ARHGAP12: variants seen among roughly 807,000 people sequenced by gnomAD.
ARHGAP12 encodes the protein Rho GTPase activating protein 12.
ARHGAP12 carries 64 observed loss-of-function variants against 108.6 expected under a neutral mutation model. The ratio of observed to expected loss-of-function variants is 0.59; its 90% CI spans 0.48 to 0.73. The LOEUF (loss-of-function observed/expected upper bound fraction) is 0.73, where lower values mean the gene tolerates loss of function less well. Among genes scored for constraint, ARHGAP12 ranks in the 30% least tolerant of loss-of-function variants. The probability of loss-of-function intolerance (pLI) is 0.00; values close to 1 mark genes in which losing one functional copy is unlikely to be tolerated. For missense variants in ARHGAP12, 940 were observed against 1,005.9 expected, an observed-to-expected ratio of 0.93 and a Z score of 0.89; for synonymous variants, 312 against 337.2, an observed-to-expected ratio of 0.93 and a Z score of 0.82.
chr10:31,834,534 G>A lies in ARHGAP12; in HGVS notation c.1387-2734C>T, dbSNP rs139738223. Among the ~76,000 whole-genome samples, 10 of 152,276 alleles carry A rather than the reference G, an allele frequency of 6.6e-5. No individual in the cohort carries two copies. In the East Asian group the frequency reaches 1.3e-3, roughly 21 times the overall value. On this transcript the variant is annotated intron_variant, in intron 9 of 19. Transcript: ENST00000344936. ...AGAAATAAATTTCTGTTGTTTATAA[G>A]CCACTCAGTTTATATTTTTGCTATA...
chr10:31,888,366 G>T (rs975280360), intron 3 of ARHGAP12, among the ~76,000 whole-genome samples: 1 of 152,164 alleles, frequency 6.6e-6, no homozygotes, highest in African/African-American at 2.4e-5. Context: ...AGCCAAGACA[G>T]ACTCTTTCTC....
At chr10:31,820,311 C>T (rs1835357297) in intron 12 of ARHGAP12, 76 bp downstream of exon 12, 3 of 1,201,670 alleles carry the variant, frequency 2.5e-6, no homozygotes, top group Admixed American at 5.1e-5. Flanking sequence ...AAGACTATTT[C>T]CCAAAATAGC....
In ARHGAP12 at chr10:31,908,625, G is replaced by A. The variant is rs2132457229; in HGVS notation, c.231C>T (p.Leu77=). 2 of 1,614,192 alleles carry A rather than the reference G, an allele frequency of 1.2e-6. No homozygotes were observed. The highest frequency in any genetic ancestry group is 1.7e-6 in the Non-Finnish European group (2 of 1,180,026). ...QYVKEVTRKA[L]MPPVKQVAGL... ...CAGCTACCTGCTTAACAGGTGGCAT[G>A]AGAGCTTTGCGCGTGACCTCCTTCA... The change falls in exon 3 of 20, where the codon CTC becomes CTT. Residue 77 remains leucine (L), a synonymous_variant. Coordinates refer to ENST00000344936, the MANE Select transcript of ARHGAP12 (RefSeq NM_018287.7).
chr10:31,822,415 CA>C (rs2132173484), intron 11 of ARHGAP12, among the ~76,000 whole-genome samples: 1 of 152,192 alleles, frequency 6.6e-6, no homozygotes, highest in Non-Finnish European at 1.5e-5. Context: ...TGCACAACAG[CA>C]AAATGACACA....
At chr10:31,893,870 C>G (rs1167413459) in intron 3 of ARHGAP12, among the ~76,000 whole-genome samples, 1 of 152,214 alleles carries the variant, frequency 6.6e-6, no homozygotes, top group Admixed American at 6.5e-5. Context: ...CAAACCGAAT[C>G]CAGCAGCACA....
At chr10:31,876,803 T>C (rs1421248509) in intron 3 of ARHGAP12, among the ~76,000 whole-genome samples, 1 of 152,248 alleles carries the variant, frequency 6.6e-6, no homozygotes, top group African/African-American at 2.4e-5. Flanking sequence ...GAACAGTTAG[T>C]GCTAGTTAAA....
At chr10:31,833,188 A>G (rs573214150) in intron 9 of ARHGAP12, among the ~76,000 whole-genome samples, 1 of 152,210 alleles carries the variant, frequency 6.6e-6, no homozygotes, top group Non-Finnish European at 1.5e-5. Flanking sequence ...CAGGGAGAAA[A>G]CAATCTTTCC....
intron 1 of ARHGAP12, among the ~76,000 whole-genome samples, chr10:31,917,856 G>C (rs776147836): frequency 6.6e-6 from 1 of 152,168 alleles, no homozygotes; most frequent in Non-Finnish European, 1.5e-5. Flanking sequence ...GAACCTGACA[G>C]ACATTTTTCA....
chr10:31,807,546 A>C lies in ARHGAP12; in HGVS notation c.*112T>G. On this transcript the variant is annotated 3_prime_UTR_variant, in exon 20 of 20. Transcript: ENST00000344936. ...TTCCCTTCTGATCCCTCAAAAAAAA[A>C]GTGCAAAATCAAAGAGTCACTGCTT... is the stretch of plus-strand genomic sequence containing the variant. 1 of 1,065,042 alleles carries C rather than the reference A, an allele frequency of 9.4e-7. No homozygotes were observed. Among genetic ancestry groups the C allele is most frequent in the Non-Finnish European group, 1.3e-6 (1 of 768,590 alleles). 66.0% of individuals were successfully genotyped at this position (1,065,042 alleles called of 1,614,324 possible). A position where few individuals can be genotyped will look rare whatever the true frequency, so the allele number is the denominator to read the frequency against.
At chr10:31,909,213 T>C (rs900259278) in intron 2 of ARHGAP12, among the ~76,000 whole-genome samples, 5 of 152,088 alleles carry the variant, frequency 3.3e-5, no homozygotes, top group African/African-American at 1.2e-4. Context: ...GAGAAGAACT[T>C]TCCTTCCTTT....
chr10:31,831,804 T>C lies in ARHGAP12; in HGVS notation c.1387-4A>G. On this transcript the variant is annotated splice_polypyrimidine_tract_variant and splice_region_variant and intron_variant, in intron 9 of 19. Transcript: ENST00000344936. ...ATAATCCATATTTCTCTTGATCCTATGGAACAGAGTAATACTGTTTATACA... is the reference window on the plus strand; with the variant it reads ...ATAATCCATATTTCTCTTGATCCTACGGAACAGAGTAATACTGTTTATACA... 1 of 1,548,910 alleles carries C rather than the reference T, an allele frequency of 6.5e-7. No individual in the cohort carries two copies. Among genetic ancestry groups the C allele is most frequent in the Non-Finnish European group, 8.9e-7 (1 of 1,126,802 alleles).
chr10:31,864,813 T>C lies in ARHGAP12; in HGVS notation c.685-3155A>G, dbSNP rs79676159. On this transcript the variant is annotated intron_variant, in intron 3 of 19. Coordinates refer to ENST00000344936, the MANE Select transcript of ARHGAP12 (RefSeq NM_018287.7). ...AGCTAGGTGATTAGGCTACAAATTA[T>C]GAATTTAAAATCTCCTTGCCTTCCA... Among the ~76,000 whole-genome samples, 164 of 152,294 alleles carry C rather than the reference T, an allele frequency of 1.1e-3. 1 individual carries two copies. The East Asian group carries it at 0.023, about 22-fold the overall frequency.
intron 7 of ARHGAP12, among the ~76,000 whole-genome samples, chr10:31,842,517 T>C (rs540577774): frequency 6.6e-6 from 1 of 152,236 alleles, no homozygotes; most frequent in South Asian, 2.1e-4. Flanking sequence ...TACACATGTA[T>C]GAAGGCTGTT....
intron 3 of ARHGAP12, among the ~76,000 whole-genome samples, chr10:31,866,380 G>A (rs761564632): frequency 1.1e-4 from 16 of 152,162 alleles, no homozygotes; most frequent in Admixed American, 6.5e-4. Flanking sequence ...AACAAGTATT[G>A]TGAGGCATTG....
chr10:31,806,760 T>C lies in ARHGAP12; in HGVS notation c.*898A>G, dbSNP rs1834836720. On this transcript the variant is annotated 3_prime_UTR_variant, in exon 20 of 20. Coordinates refer to ENST00000344936, the MANE Select transcript of ARHGAP12 (RefSeq NM_018287.7). ...GACTATTTCTGGAGGAAACCTAATA[T>C]TCACAGAAAAGATTACCAATAACAA... 1 of 152,562 alleles carries C rather than the reference T, an allele frequency of 6.6e-6. No homozygotes were observed. The highest frequency in any genetic ancestry group is 2.4e-5 in the African/African-American group (1 of 41,428). 9.5% of individuals were successfully genotyped at this position (152,562 alleles called of 1,614,324 possible).
intron 13 of ARHGAP12, among the ~76,000 whole-genome samples, chr10:31,816,038 C>G (rs898817003): frequency 3.3e-5 from 5 of 151,984 alleles, no homozygotes; most frequent in African/African-American, 1.2e-4. Flanking sequence ...GTTATCCCAG[C>G]TACTTGGGAG....
chr10:31,857,164 G>A (rs1836918746), intron 4 of ARHGAP12, among the ~76,000 whole-genome samples: 1 of 152,114 alleles, frequency 6.6e-6, no homozygotes, highest in Non-Finnish European at 1.5e-5. Context: ...GGTGAAGGGA[G>A]AGAAAGAAAT....
intron 3 of ARHGAP12, among the ~76,000 whole-genome samples, chr10:31,885,818 CAAA>C (rs766985293): frequency 9.7e-6 from 1 of 102,748 alleles, no homozygotes. Flanking sequence ...GACACCAACT[CAAA>C]AAAAAAAAAA....
rs181072687 is a variant in ARHGAP12, at chr10:31,810,701, A to G, written c.1998T>C (p.Asn666=). The G allele has an allele frequency of 5.6e-6, 9 of 1,609,142 alleles. No homozygotes were observed. The highest frequency in any genetic ancestry group is 3.4e-5 in the Admixed American group (2 of 58,986). The change falls in exon 16 of 20, where the codon AAT becomes AAC. Residue 666 remains asparagine (N), a synonymous_variant. Transcript: ENST00000344936. ...SNLANLCQRE[N]GTVPKFVKLC... Reference sequence around the variant, plus strand: ...ACTTCACAAACTTTGGTACTGTGCCATTCTCTCTCTGACACAGATTAGCGA... The same window carrying G: ...ACTTCACAAACTTTGGTACTGTGCCGTTCTCTCTCTGACACAGATTAGCGA...
Sources: gnomAD v4.1 joint callset for allele counts (sites outside exome capture counted in the v4.1 genomes callset) on GRCh38, gnomAD v4.1.1 for gene constraint, MANE v1.5 for transcripts, NCBI Gene and HGNC (gene_info 2026-07-23, HGNC 2026-07-21) for gene names.